The following MMP26 variants were observed in gnomAD, a reference collection of about 807,000 sequenced individuals.
MMP26 encodes the protein matrix metallopeptidase 26.
In MMP26, 33 loss-of-function variants were observed where a neutral mutation model predicts 31.0. The ratio of observed to expected loss-of-function variants is 1.06; its 90% CI spans 0.81 to 1.42. The LOEUF is 1.42. Among genes scored for constraint, MMP26 ranks in the 40% most tolerant of loss-of-function variants. MMP26 has a pLI of 0.00. For missense variants in MMP26, 347 were observed against 316.1 expected (o/e 1.10, Z -0.74); for synonymous variants, 122 against 114.9 (o/e 1.06, Z -0.40).
intron 1 of MMP26, among the ~76,000 whole-genome samples, chr11:4,735,935 ACATTTT>A (rs1848234452): frequency 6.6e-6 from 1 of 152,160 alleles, no homozygotes; most frequent in East Asian, 1.9e-4. Flanking sequence ...ACCTTTAGTA[ACATTTT>A]CATAATATTA....
At chr11:4,806,579 A>G (rs748281818) in intron 2 of MMP26, among the ~76,000 whole-genome samples, 2 of 151,916 alleles carry the variant, frequency 1.3e-5, no homozygotes, top group African/African-American at 2.4e-5. Flanking sequence ...TGCTTGGTAA[A>G]TCTTCCTCCA....
rs1181210737 is a variant in MMP26, at chr11:4,869,544, C to T, written c.-145+102203C>T. Among the ~76,000 whole-genome samples the T allele has an allele frequency of 4.6e-5, 7 of 151,998 alleles. No individual in the cohort carries two copies. In the East Asian group the frequency reaches 5.8e-4, roughly 13 times the overall value. Reference sequence around the variant, plus strand: ...TGCCATCTCACACCAGTTAGAATGGCGATCATGAAAAAGTCAGGAAACAAC... The same window carrying T: ...TGCCATCTCACACCAGTTAGAATGGTGATCATGAAAAAGTCAGGAAACAAC... On this transcript the variant is annotated intron_variant, in intron 2 of 7. Coordinates refer to ENST00000380390, the MANE Select transcript of MMP26 (RefSeq NM_021801.5).
At chr11:4,832,276 A>G (rs924842014) in intron 2 of MMP26, 4 of 172,774 alleles carry the variant, frequency 2.3e-5, no homozygotes, top group East Asian at 1.5e-4. Flanking sequence ...GCACCATCCT[A>G]TTTGTTATCA....
At chr11:4,724,769 G>T (rs1030818146) in intron 1 of MMP26, among the ~76,000 whole-genome samples, 4 of 152,122 alleles carry the variant, frequency 2.6e-5, no homozygotes, top group African/African-American at 9.7e-5. Context: ...CCTAGTTATG[G>T]CTGAGACAGA....
At chr11:4,901,149 CTTTTTTTTTTTTT>C (rs55678976) in intron 2 of MMP26, among the ~76,000 whole-genome samples, 2 of 84,516 alleles carry the variant, frequency 2.4e-5, no homozygotes, top group Admixed American at 1.5e-4. Context: ...CCTCTTTGTG[CTTTTTTTTTTTTT>C]TTTTTTTTTT....
At chr11:4,750,420 G>A (rs1848433269) in intron 1 of MMP26, among the ~76,000 whole-genome samples, 1 of 152,076 alleles carries the variant, frequency 6.6e-6, no homozygotes, top group Non-Finnish European at 1.5e-5. Context: ...CCACTACTGA[G>A]TAGTTTCCCA....
At chr11:4,775,873 G>A (rs1354396040) in intron 2 of MMP26, among the ~76,000 whole-genome samples, 1 of 151,860 alleles carries the variant, frequency 6.6e-6, no homozygotes, top group Non-Finnish European at 1.5e-5. Flanking sequence ...GTGAAGTCTG[G>A]GTTTTGAATG....
chr11:4,815,420 T>C (rs1849407382), intron 2 of MMP26, among the ~76,000 whole-genome samples: 1 of 152,228 alleles, frequency 6.6e-6, no homozygotes, highest in African/African-American at 2.4e-5. Flanking sequence ...TATGTAGCTT[T>C]TTATACTTAG....
At chr11:4,840,250 T>A (rs564022276) in intron 2 of MMP26, among the ~76,000 whole-genome samples, 1 of 152,314 alleles carries the variant, frequency 6.6e-6, no homozygotes, top group Admixed American at 6.5e-5. Context: ...CTAGGGGATC[T>A]CACCTTCCTG....
chr11:4,824,406 T>C (rs1564789010), intron 2 of MMP26, among the ~76,000 whole-genome samples: 1 of 152,124 alleles, frequency 6.6e-6, no homozygotes, highest in South Asian at 2.1e-4. Context: ...TACACACTTA[T>C]ACGATTTTTA....
At chr11:4,927,956 G>A (rs1001163578) in intron 2 of MMP26, among the ~76,000 whole-genome samples, 1 of 151,970 alleles carries the variant, frequency 6.6e-6, no homozygotes, top group African/African-American at 2.4e-5. Flanking sequence ...CTTTCAAGAT[G>A]TTAGGATGTT....
chr11:4,834,064 G>A (rs1264751442), intron 2 of MMP26, among the ~76,000 whole-genome samples: 2 of 152,160 alleles, frequency 1.3e-5, no homozygotes, highest in Non-Finnish European at 2.9e-5. Flanking sequence ...GTAGCATCCT[G>A]AAGCCAGGCC....
chr11:4,736,363 C>G (rs1589886899), intron 1 of MMP26: 1 of 152,226 alleles, frequency 6.6e-6, no homozygotes, highest in East Asian at 1.9e-4. Context: ...GCAACAGCAC[C>G]TATGTAGGAG....
At chr11:4,860,323 G>A (rs1371635643) in intron 2 of MMP26, 1 of 471,300 alleles carries the variant, frequency 2.1e-6, no homozygotes, top group South Asian at 1.5e-5. Context: ...GAGCATGGAG[G>A]GCAAGGTGGA....
At chr11:4,845,927 C>A (rs1230883275) in intron 2 of MMP26, among the ~76,000 whole-genome samples, 1 of 151,994 alleles carries the variant, frequency 6.6e-6, no homozygotes. Flanking sequence ...GGCTGATATC[C>A]AAAAGACAGA....
intron 2 of MMP26, among the ~76,000 whole-genome samples, chr11:4,782,082 T>C (rs1848872140): frequency 6.6e-6 from 1 of 152,100 alleles, no homozygotes; most frequent in African/African-American, 2.4e-5. Flanking sequence ...TTGGTACCAG[T>C]AGAGCAGGAC....
At chr11:4,856,724 A>C (rs1170832413) in intron 2 of MMP26, among the ~76,000 whole-genome samples, 2 of 152,226 alleles carry the variant, frequency 1.3e-5, no homozygotes, top group African/African-American at 4.8e-5. Flanking sequence ...AAGCAGACCT[A>C]ATAGACATCT....
At chr11:4,730,326 G>A (rs1355637577) in intron 1 of MMP26, among the ~76,000 whole-genome samples, 3 of 151,734 alleles carry the variant, frequency 2.0e-5, no homozygotes, top group Non-Finnish European at 2.9e-5. Flanking sequence ...GACATTAATA[G>A]CACCACTAAA....
intron 2 of MMP26, chr11:4,882,039 T>A (rs765311187): frequency 6.2e-7 from 1 of 1,613,866 alleles, no homozygotes; most frequent in East Asian, 2.2e-5. Context: ...AACAGTATGA[T>A]CTTTCTTGTC....
Sources: allele counts gnomAD v4.1 joint callset (sites outside exome capture counted in the v4.1 genomes callset), GRCh38; gene constraint gnomAD v4.1.1; transcripts MANE v1.5; gene names NCBI Gene and HGNC (gene_info 2026-07-23, HGNC 2026-07-21).